Variants in FRMD3 observed in about 807,000 individuals in gnomAD.
FRMD3 encodes the protein FERM domain containing 3.
A neutral mutation model predicts 70.2 loss-of-function variants in FRMD3; 33 were observed. The ratio of observed to expected loss-of-function variants is 0.47; its 90% CI spans 0.36 to 0.63. The LOEUF is 0.63. FRMD3 is among the 20% of genes least tolerant of loss of function. The probability of loss-of-function intolerance (pLI) is 0.00; values close to 1 mark genes in which losing one functional copy is unlikely to be tolerated. For synonymous variants in FRMD3, 279 were observed against 255.9 expected, an observed-to-expected ratio of 1.09 and a Z score of -0.86; for missense variants, 632 against 711.4, an observed-to-expected ratio of 0.89 and a Z score of 1.27.
intron 1 of FRMD3, among the ~76,000 whole-genome samples, chr9:83,442,509 C>A (rs1320251497): frequency 6.6e-6 from 1 of 151,968 alleles, no homozygotes; most frequent in African/African-American, 2.4e-5. Context: ...CCACCCACCT[C>A]GGCCTCCCAA....
At chr9:83,410,709 T>C (rs1826255101) in intron 1 of FRMD3, among the ~76,000 whole-genome samples, 1 of 152,224 alleles carries the variant, frequency 6.6e-6, no homozygotes, top group African/African-American at 2.4e-5. Context: ...TTTTAAGTTC[T>C]TTAAGAAATC....
At chr9:83,481,162 T>C (rs929554243) in intron 1 of FRMD3, among the ~76,000 whole-genome samples, 3 of 152,308 alleles carry the variant, frequency 2.0e-5, no homozygotes, top group Admixed American at 2.0e-4. Context: ...GCACATATAG[T>C]TAGATGTCAC....
chr9:83,310,848 T>C (rs1835324946), intron 8 of FRMD3, among the ~76,000 whole-genome samples: 1 of 152,190 alleles, frequency 6.6e-6, no homozygotes, highest in Non-Finnish European at 1.5e-5. Flanking sequence ...CAATATTAAT[T>C]GCCCAGCCCA....
chr9:83,520,364 G>A (rs1187102771), intron 1 of FRMD3, among the ~76,000 whole-genome samples: 1 of 152,170 alleles, frequency 6.6e-6, no homozygotes, highest in Non-Finnish European at 1.5e-5. Flanking sequence ...AATTATGAAA[G>A]TAACACATGC....
chr9:83,498,264 G>A lies in FRMD3; in HGVS notation c.147+39821C>T, dbSNP rs534034950. Among the ~76,000 whole-genome samples, 232 of 152,314 alleles carry A rather than the reference G, an allele frequency of 1.5e-3. 2 individuals are homozygous for A. Among genetic ancestry groups the A allele is most frequent in the African/African-American group, 5.4e-3 (223 of 41,572 alleles). On this transcript the variant is annotated intron_variant, in intron 1 of 13. Transcript: ENST00000304195. The stretch of plus-strand genomic sequence containing the variant: ...GACTTCTCTGGTTTCCAACTCAGAA[G>A]TCTCTCCAGAGCAGAGGGAATTACT...
chr9:83,256,869 T>A (rs1156900320), intron 13 of FRMD3, among the ~76,000 whole-genome samples: 1 of 152,066 alleles, frequency 6.6e-6, no homozygotes, highest in Non-Finnish European at 1.5e-5. Context: ...TGTCAAAAAA[T>A]GACAAATGCT....
At chr9:83,387,359 T>A (rs1251531178) in intron 2 of FRMD3, among the ~76,000 whole-genome samples, 1 of 152,198 alleles carries the variant, frequency 6.6e-6, no homozygotes, top group East Asian at 1.9e-4. Context: ...CTATTGTTAT[T>A]TTGTGACACC....
At chr9:83,309,682 T>C in intron 9 of FRMD3, 58 bp from the exon 10 acceptor site, 2 of 1,130,708 alleles carry the variant, frequency 1.8e-6, no homozygotes, top group East Asian at 2.5e-5. Context: ...ACATTTTCCA[T>C]GGGTTTTTTT....
chr9:83,366,366 T>C (rs981505078), intron 3 of FRMD3, among the ~76,000 whole-genome samples: 2 of 152,046 alleles, frequency 1.3e-5, no homozygotes, highest in African/African-American at 4.8e-5. Context: ...AGTTCAGAAG[T>C]TCAAGGCTAG....
At chr9:83,243,106 C>G (rs1587598604), downstream of FRMD3, 1 of 1,236,894 alleles carries the variant, frequency 8.1e-7, no homozygotes, top group Non-Finnish European at 1.2e-6. Flanking sequence ...CTGGGTGGGG[C>G]CCACCGAACT....
At chr9:83,458,437 T>C (rs1180681213) in intron 1 of FRMD3, among the ~76,000 whole-genome samples, 1 of 152,200 alleles carries the variant, frequency 6.6e-6, no homozygotes, top group African/African-American at 2.4e-5. Flanking sequence ...CAAAACAATC[T>C]GAAATCTGGT....
chr9:83,343,525 G>A (rs532573865), intron 4 of FRMD3, among the ~76,000 whole-genome samples: 33 of 152,140 alleles, frequency 2.2e-4, no homozygotes, highest in African/African-American at 7.7e-4. Context: ...GAGCAGGCTC[G>A]GCCTTTTCAA....
chr9:83,514,322 C>T (rs1309970140), intron 1 of FRMD3, among the ~76,000 whole-genome samples: 2 of 152,162 alleles, frequency 1.3e-5, no homozygotes, highest in Non-Finnish European at 2.9e-5. Context: ...CGGTTTTCCC[C>T]TCACAGTGTA....
intron 1 of FRMD3, among the ~76,000 whole-genome samples, chr9:83,481,033 C>T (rs746597261): frequency 1.3e-5 from 2 of 152,016 alleles, no homozygotes; most frequent in Admixed American, 6.6e-5. Flanking sequence ...TACATGAAAA[C>T]ACATAGATGC....
intron 1 of FRMD3, among the ~76,000 whole-genome samples, chr9:83,398,912 A>G (rs1487173535): frequency 6.6e-6 from 1 of 152,182 alleles, no homozygotes; most frequent in Non-Finnish European, 1.5e-5. Flanking sequence ...TAGTTGCCTG[A>G]AAGTGAGCAC....
intron 1 of FRMD3, among the ~76,000 whole-genome samples, chr9:83,531,484 G>C (rs1437881879): frequency 6.6e-6 from 1 of 152,060 alleles, no homozygotes; most frequent in Non-Finnish European, 1.5e-5. Context: ...ATATAATATA[G>C]GTCTAAAAAC....
intron 1 of FRMD3, among the ~76,000 whole-genome samples, chr9:83,430,695 C>T (rs1330833955): frequency 2.0e-5 from 3 of 152,092 alleles, no homozygotes; most frequent in Admixed American, 6.5e-5. Context: ...AGTTTAAAGC[C>T]GTTGGTAGCC....
At chr9:83,366,334 G>A (rs1824784528) in intron 3 of FRMD3, among the ~76,000 whole-genome samples, 1 of 152,160 alleles carries the variant, frequency 6.6e-6, no homozygotes, top group African/African-American at 2.4e-5. Flanking sequence ...ACTTTGGGAG[G>A]CTGAGGTGGG....
intron 1 of FRMD3, among the ~76,000 whole-genome samples, chr9:83,410,772 G>A (rs1826256545): frequency 6.6e-6 from 1 of 152,216 alleles, no homozygotes; most frequent in Non-Finnish European, 1.5e-5. Context: ...ATGAAACAGT[G>A]TATAAGTGTT....
Sources: gnomAD v4.1 joint callset for allele counts (sites outside exome capture counted in the v4.1 genomes callset) on GRCh38, gnomAD v4.1.1 for gene constraint, MANE v1.5 for transcripts, NCBI Gene and HGNC (gene_info 2026-07-23, HGNC 2026-07-21) for gene names.